The following MAN2B1 variants were observed in gnomAD, a reference collection of about 807,000 sequenced individuals.
MAN2B1 encodes lysosomal alpha-mannosidase.
MAN2B1 carries 99 observed loss-of-function variants against 127.5 expected under a neutral mutation model. The ratio of observed to expected loss-of-function variants is 0.78; its 90% CI spans 0.66 to 0.92. MAN2B1 has a LOEUF of 0.92. Ranked by LOEUF, MAN2B1 falls within the 40% of genes least tolerant of loss-of-function variation. The probability of loss-of-function intolerance (pLI) is 0.00; values close to 1 mark genes in which losing one functional copy is unlikely to be tolerated. For synonymous variants in MAN2B1, 573 were observed against 568.8 expected (o/e 1.01, Z -0.11); for missense variants, 1,304 against 1,384.8 (o/e 0.94, Z 0.93).
At chr19:12,661,150 C>A in intron 7 of MAN2B1, 110 bp downstream of exon 7, 1 of 801,068 alleles carries the variant, frequency 1.2e-6, no homozygotes, top group Non-Finnish European at 2.2e-6. Flanking sequence ...AGAATGACCA[C>A]AATAGAACAA....
Position 12,646,736 on chromosome 19 carries a change from G to A in MAN2B1, c.2924-4C>T, listed in dbSNP as rs767564979. The A allele has an allele frequency of 7.5e-6, 12 of 1,603,350 alleles. No homozygotes were observed. The highest frequency in any genetic ancestry group is 1.0e-5 in the Non-Finnish European group (12 of 1,170,184). Reference sequence around the variant, plus strand: ...GGAGTTTGGTGGGGTGTGGGGCCTGGAGAGGTGCAGGGGGAAGGAGGAGTG... The same window carrying A: ...GGAGTTTGGTGGGGTGTGGGGCCTGAAGAGGTGCAGGGGGAAGGAGGAGTG... On this transcript the variant is annotated splice_polypyrimidine_tract_variant and splice_region_variant and intron_variant, in intron 23 of 23. Coordinates refer to ENST00000456935, the MANE Select transcript of MAN2B1 (RefSeq NM_000528.4).
chr19:12,647,700 G>T lies in MAN2B1; in HGVS notation c.2665-102C>A. ...GAGGCAGGGCTAGGTTGTAGGGGCG[G>T]GGTTTCGCCGGAGAGGGGCAAGGCT... On this transcript the variant is annotated intron_variant, in intron 21 of 23. Coordinates refer to ENST00000456935, the MANE Select transcript of MAN2B1 (RefSeq NM_000528.4). The surrounding 1 kb of genome is among the most constrained non-coding windows in gnomAD (Gnocchi z 4.9). 1.1e-6 allele frequency: 1 copy of T among 938,494 alleles called. No individual in the cohort carries two copies. The highest frequency in any genetic ancestry group is 1.6e-6 in the Non-Finnish European group (1 of 630,478). 58.1% of individuals were successfully genotyped at this position (938,494 alleles called of 1,614,324 possible).
At chr19:12,649,477 C>CTTTTTTGTT (rs2023785933) in intron 18 of MAN2B1, 49 bp from the exon 19 acceptor site, 1 of 323,656 alleles carries the variant, frequency 3.1e-6, no homozygotes, top group African/African-American at 6.5e-5. Context: ...CTCCCCAACT[C>CTTTTTTGTT]TTTTTTTTTT....
Position 12,666,738 on chromosome 19 carries a change from G to A in MAN2B1, c.-37C>T, listed in dbSNP as rs777169880. ...TTCCTCCTGGGGTTCCCCGGCCCTGGAAAGGCCGGGCAAACGCCCCGCCCC... is the reference window on the plus strand; with the variant it reads ...TTCCTCCTGGGGTTCCCCGGCCCTGAAAAGGCCGGGCAAACGCCCCGCCCC... On this transcript the variant is annotated 5_prime_UTR_variant, in exon 1 of 24. Transcript: ENST00000456935. 5 of 1,540,944 alleles carry A rather than the reference G, an allele frequency of 3.2e-6. No homozygotes were observed. The highest frequency in any genetic ancestry group is 4.4e-6 in the Non-Finnish European group (5 of 1,144,214).
At position 12,657,096 on chromosome 19, in the gene MAN2B1, C is replaced by G. The variant is rs112072150; in HGVS notation, c.1420-40G>C. 0.012 allele frequency: 14,728 copies of G among 1,192,690 alleles called. 227 individuals are homozygous for G. The highest frequency in any genetic ancestry group is 0.065 in the African/African-American group (4,339 of 66,676). The allele number at this position is 1,192,690 out of a possible 1,614,324, so 73.9% of individuals were successfully genotyped here. ...AAAGGGACCGGTGGGTTCAGGACGC[C>G]AGGCCTGACTCCTCCCCTCTCCTCA... On this transcript the variant is annotated intron_variant, in intron 11 of 23. Transcript: ENST00000456935.
In MAN2B1 at chr19:12,657,496, C is replaced by G; in HGVS notation, c.1369G>C (p.Val457Leu). The change falls in exon 11 of 24, where the codon GTG becomes CTG. Residue 457 changes from valine (V) to leucine (L), a missense_variant. Transcript: ENST00000456935. ...DAVSGTSRQH[V>L]ANDYARQLAA... ...AGCTGGCGCGCGTAGTCGTTGGCCA[C>G]GTGCTGGCGGGAGGTGCCGCTGACG... 6.4e-7 allele frequency: 1 copy of G among 1,572,864 alleles called. No individual in the cohort carries two copies. The highest frequency in any genetic ancestry group is 2.3e-5 in the East Asian group (1 of 42,776).
At chr19:12,656,747 A>G (rs2023970882) in intron 12 of MAN2B1, 60 bp from the exon 13 acceptor site, 1 of 1,306,728 alleles carries the variant, frequency 7.7e-7, no homozygotes, top group Non-Finnish European at 1.1e-6. Flanking sequence ...AAACCCACCC[A>G]CTTTGCACAG....
chr19:12,648,032 G>T (rs1390831060), intron 21 of MAN2B1, 143 bp downstream of exon 21: 1 of 858,218 alleles, frequency 1.2e-6, no homozygotes, highest in Non-Finnish European at 1.9e-6. Flanking sequence ...GGCGGGGACT[G>T]CCCAGGGGAT....
chr19:12,649,253 C>A, intron 19 of MAN2B1, 37 bp from the exon 20 acceptor site: 1 of 1,608,620 alleles, frequency 6.2e-7, no homozygotes. Context: ...GGCAGTCAAC[C>A]CCAACCCCAG....
chr19:12,648,722 C>A lies in MAN2B1; in HGVS notation c.2437-320G>T, dbSNP rs568604852. ...CAGAAATGGAGTCCTTGGCCGGGAGCGGTGGTTCACGCCTGTAATCCCAGC... is the reference window on the plus strand; with the variant it reads ...CAGAAATGGAGTCCTTGGCCGGGAGAGGTGGTTCACGCCTGTAATCCCAGC... On this transcript the variant is annotated intron_variant, in intron 20 of 23. Transcript: ENST00000456935. Among the ~76,000 whole-genome samples the A allele has an allele frequency of 4.6e-5, 7 of 152,150 alleles. No homozygotes were observed. The East Asian group carries it at 1.4e-3, about 29-fold the overall frequency.
chr19:12,652,099 G>A, intron 16 of MAN2B1, 54 bp downstream of exon 16: 2 of 1,382,490 alleles, frequency 1.4e-6, no homozygotes, highest in South Asian at 2.3e-5. Flanking sequence ...CACCCTCTTG[G>A]GCTCCATAAC....
In MAN2B1 at chr19:12,647,585, C is replaced by A; in HGVS notation, c.2678G>T (p.Arg893Leu). ...GTGCACCGAGGGCGGCAGGTCCCTG[C>A]GCAGCCCTGAGAACTGCGGGAGAGA... ...APPRTQFSGL[R>L]RDLPPSVHLL... Residue 893 changes from arginine to leucine, a missense_variant, in exon 22 of 24, where the codon CGC (arginine) becomes CTC (leucine). Physicochemically the swap from Arg to Leu is moderately radical, Grantham distance 102. Transcript: ENST00000456935. The surrounding 1 kb of genome is among the most constrained non-coding windows in gnomAD (Gnocchi z 4.9). 1 of 1,613,366 alleles carries A rather than the reference C, an allele frequency of 6.2e-7. No individual in the cohort carries two copies. The highest frequency in any genetic ancestry group is 8.5e-7 in the Non-Finnish European group (1 of 1,179,722).
Position 12,658,093 on chromosome 19 carries a change from G to A in MAN2B1, c.1279C>T (p.Pro427Ser), listed in dbSNP as rs779869062. The A allele has an allele frequency of 6.2e-7, 1 of 1,613,316 alleles. No homozygotes were observed. Among genetic ancestry groups the A allele is most frequent in the Non-Finnish European group, 8.5e-7 (1 of 1,179,976 alleles). ...ALVGLAANVG[P>S]YGSGDSAPLN... The stretch of plus-strand genomic sequence containing the variant: ...GGTGCACTGTCTCCGGAGCCATAGG[G>A]TCCCACGTTGGCCGCCAGGCCCACC... Residue 427 changes from proline (P) to serine (S), a missense_variant, in exon 10 of 24, where the codon CCC (proline) becomes TCC (serine). Physicochemically the swap from Pro to Ser is moderately conservative, Grantham distance 74. Transcript: ENST00000456935.
rs2023726371 is a variant in MAN2B1 at position 12,647,670 on chromosome 19, G to C, written c.2665-72C>G. ...ATGGAGAAGGGCGGGGCCGAGCCAG[G>C]TCAGGAGGCAGGGCTAGGTTGTAGG... On this transcript the variant is annotated intron_variant, in intron 21 of 23. Transcript: ENST00000456935. This position sits in a 1 kb window ranked among gnomAD's most constrained non-coding sequence, Gnocchi z 4.9. 2.2e-6 allele frequency: 3 copies of C among 1,388,624 alleles called. No homozygotes were observed. The Admixed American group carries it at 5.8e-5, about 27-fold the overall frequency. The allele number at this position is 1,388,624 out of a possible 1,614,324, so 86.0% of individuals were successfully genotyped here.
intron 3 of MAN2B1, 118 bp downstream of exon 3, chr19:12,665,234 G>T: frequency 7.6e-7 from 1 of 1,307,774 alleles, no homozygotes; most frequent in Non-Finnish European, 1.1e-6. Flanking sequence ...GTCCAGGCAG[G>T]CGGAGCGACA....
At chr19:12,654,040 T>C (rs1391823891) in intron 14 of MAN2B1, among the ~76,000 whole-genome samples, 1 of 150,670 alleles carries the variant, frequency 6.6e-6, no homozygotes, top group Admixed American at 6.6e-5. Context: ...TTTTTTCTTT[T>C]TTTTTCTTTT....
chr19:12,663,909 G>A (rs545672650), intron 4 of MAN2B1, 74 bp from the exon 5 acceptor site: 125 of 1,594,366 alleles, frequency 7.8e-5, no homozygotes, highest in South Asian at 5.5e-4. Flanking sequence ...CTCTGCTTGG[G>A]AGGGGCAGGT....
chr19:12,651,114 A>T (rs2023834459), intron 16 of MAN2B1, among the ~76,000 whole-genome samples: 1 of 151,898 alleles, frequency 6.6e-6, no homozygotes, highest in African/African-American at 2.4e-5. Context: ...GGCATGAGCC[A>T]CTGCATCTGG....
chr19:12,648,749 C>G (rs964080327), intron 20 of MAN2B1, among the ~76,000 whole-genome samples: 1 of 150,904 alleles, frequency 6.6e-6, no homozygotes, highest in Non-Finnish European at 1.5e-5. Context: ...AATCCCAGCA[C>G]TTTGGGAGGC....
Sources: gnomAD v4.1 joint callset for allele counts (sites outside exome capture counted in the v4.1 genomes callset) on GRCh38, gnomAD v4.1.1 for gene constraint, Gnocchi (gnomAD v3.1) non-coding constraint, MANE v1.5 for transcripts, NCBI Gene and HGNC (gene_info 2026-07-23, HGNC 2026-07-21) for gene names.